Variants in IARS1 observed in about 807,000 individuals in gnomAD.
IARS1 encodes the protein isoleucyl-tRNA synthetase 1.
IARS1 carries 124 observed loss-of-function variants against 168.2 expected under a neutral mutation model. The observed-to-expected ratio is 0.74, with a 90% CI of 0.64 to 0.86. The LOEUF (loss-of-function observed/expected upper bound fraction) is 0.86, where lower values mean the gene tolerates loss of function less well. Ranked by LOEUF, IARS1 falls within the 40% of genes least tolerant of loss-of-function variation. The pLI, the probability that IARS1 is intolerant of heterozygous loss-of-function variation, is 0.00. For synonymous variants in IARS1, 532 were observed against 529.4 expected, an observed-to-expected ratio of 1.00 and a Z score of -0.07; for missense variants, 1,452 against 1,515.8, an observed-to-expected ratio of 0.96 and a Z score of 0.70.
chr9:92,252,764 CAAAAAAAAA>C (rs34983021), intron 21 of IARS1, among the ~76,000 whole-genome samples: 1,613 of 27,046 alleles, frequency 0.06, 3 homozygotes, highest in South Asian at 0.17. Context: ...AACTCCTTCT[CAAAAAAAAA>C]AAAAAAAAAA....
chr9:92,230,340 T>C (rs537870492), intron 30 of IARS1, among the ~76,000 whole-genome samples: 3 of 152,256 alleles, frequency 2.0e-5, no homozygotes, highest in East Asian at 3.9e-4. Context: ...CTCAAACTCC[T>C]GACCTCAGGT....
chr9:92,261,364 T>A (rs975110582), intron 17 of IARS1, among the ~76,000 whole-genome samples: 1 of 152,164 alleles, frequency 6.6e-6, no homozygotes. Context: ...TAATTCTATT[T>A]ATATAACATT....
In IARS1 at chr9:92,256,514, A is replaced by C. The variant is rs1001252804; in HGVS notation, c.2137+166T>G. 1.8e-5 allele frequency: 12 copies of C among 659,364 alleles called. No homozygotes were observed. The African/African-American group carries it at 2.0e-4, about 11-fold the overall frequency. The allele number at this position is 659,364 out of a possible 1,614,324, so 40.8% of individuals were successfully genotyped here. On this transcript the variant is annotated intron_variant, in intron 20 of 33. Coordinates refer to ENST00000443024, the MANE Select transcript of IARS1 (RefSeq NM_002161.6). The stretch of plus-strand genomic sequence containing the variant: ...CAGAAGTCCCCAGGGTCTTGAAACA[A>C]AGATATCACGACAATTAACAAGCCT...
Position 92,284,798 on chromosome 9 carries a change from A to G in IARS1, c.597+924T>C, listed in dbSNP as rs529356132. ...AAACAAACAAACAAAAACCAAATAT[A>G]GCAATATATTAAGATTTGACAAAGG... On this transcript the variant is annotated intron_variant, in intron 6 of 33. Coordinates refer to ENST00000443024, the MANE Select transcript of IARS1 (RefSeq NM_002161.6). Among the ~76,000 whole-genome samples, 5 of 152,254 alleles carry G rather than the reference A, an allele frequency of 3.3e-5. No individual in the cohort carries two copies. The South Asian group carries it at 8.3e-4, about 25-fold the overall frequency.
At chr9:92,250,971 T>C (rs1829934012) in intron 22 of IARS1, 137 bp from the exon 23 acceptor site, 4 of 913,924 alleles carry the variant, frequency 4.4e-6, no homozygotes, top group South Asian at 1.6e-5. Flanking sequence ...TTACAAAACA[T>C]GCCCTGTGAA....
chr9:92,277,158 TCATA>T (rs1162363907), intron 9 of IARS1, among the ~76,000 whole-genome samples: 2 of 152,166 alleles, frequency 1.3e-5, no homozygotes, highest in African/African-American at 4.8e-5. Context: ...AAATGATTCC[TCATA>T]CAATTTGAGA....
At chr9:92,243,465 A>G (rs562567176) in intron 27 of IARS1, 154 bp from the exon 28 acceptor site, 87 of 551,238 alleles carry the variant, frequency 1.6e-4, no homozygotes, top group South Asian at 1.5e-3. Context: ...CTAGTTTATC[A>G]TTCAGGTACT....
intron 33 of IARS1, among the ~76,000 whole-genome samples, chr9:92,220,517 T>C (rs1487921106): frequency 6.6e-6 from 1 of 152,196 alleles, no homozygotes; most frequent in African/African-American, 2.4e-5. Context: ...CTCGGGAGGC[T>C]GAGGCAGGAG....
chr9:92,252,797 A>AAAAAAAAAAT (rs377038369), intron 21 of IARS1, among the ~76,000 whole-genome samples: 1 of 139,460 alleles, frequency 7.2e-6, no homozygotes, highest in Non-Finnish European at 1.6e-5. Context: ...AAAAAAAAAA[A>AAAAAAAAAAT]GACATGACTA....
chr9:92,286,563 A>C lies in IARS1; in HGVS notation c.452T>G (p.Leu151Arg). ...WIDFDNDYKT[L>R]YPQFMESVWW... ...GACTGATTCCATGAATTGTGGATAC[A>C]GAGTTTTATAGTCATTGTCAAAGTC... is the stretch of plus-strand genomic sequence containing the variant. Residue 151 changes from leucine to arginine, a missense_variant, in exon 5 of 34, where the codon CTG becomes CGG. Transcript: ENST00000443024. 1 of 1,596,226 alleles carries C rather than the reference A, an allele frequency of 6.3e-7. No homozygotes were observed. The highest frequency in any genetic ancestry group is 8.6e-7 in the Non-Finnish European group (1 of 1,164,224).
chr9:92,285,934 C>A (rs1159185569), intron 5 of IARS1, 95 bp from the exon 6 acceptor site: 5 of 713,118 alleles, frequency 7.0e-6, no homozygotes, highest in Admixed American at 2.3e-5. Context: ...TTCTGTCTGC[C>A]AAATAAGTGA....
At chr9:92,276,853 T>C (rs1833849459) in intron 9 of IARS1, among the ~76,000 whole-genome samples, 1 of 152,226 alleles carries the variant, frequency 6.6e-6, no homozygotes, top group Non-Finnish European at 1.5e-5. Flanking sequence ...GGTTTGCAAC[T>C]GTAGCTGTGG....
chr9:92,245,324 C>A (rs1465557215), intron 26 of IARS1, among the ~76,000 whole-genome samples: 1 of 152,042 alleles, frequency 6.6e-6, no homozygotes, highest in Non-Finnish European at 1.5e-5. Context: ...CTCTCAGGTC[C>A]AAAGACATGA....
chr9:92,243,135 A>G, intron 28 of IARS1, 81 bp downstream of exon 28: 1 of 922,572 alleles, frequency 1.1e-6, no homozygotes, highest in Non-Finnish European at 1.8e-6. Context: ...GGTTTATATT[A>G]CCTGCCTCTC....
intron 33 of IARS1, 140 bp from the exon 34 acceptor site, chr9:92,211,029 T>G: frequency 3.2e-6 from 2 of 619,536 alleles, no homozygotes; most frequent in Non-Finnish European, 5.8e-6. Context: ...GCTCCTGAGG[T>G]GAACCTCTAA....
intron 2 of IARS1, among the ~76,000 whole-genome samples, chr9:92,288,855 T>C (rs757020751): frequency 4.6e-5 from 7 of 152,184 alleles, no homozygotes; most frequent in Non-Finnish European, 8.8e-5. Context: ...GTATATCTAC[T>C]ACTGAGTACC....
intron 22 of IARS1, 74 bp downstream of exon 22, chr9:92,251,734 A>C: frequency 1.1e-6 from 1 of 950,738 alleles, no homozygotes; most frequent in South Asian, 1.4e-5. Context: ...ATATAAATGG[A>C]GGATGCTGCA....
rs1362354401 is a variant in IARS1 at position 92,280,890 on chromosome 9, C to T, written c.601G>A (p.Val201Ile). The change falls in exon 7 of 34, where the codon GTT (valine) becomes ATT (isoleucine). Residue 201 changes from valine to isoleucine, a missense_variant. Physicochemically the swap from Val to Ile is conservative, Grantham distance 29. Transcript: ENST00000443024. ...GTTACAAATACTGAAGGATCTTGAA[C>T]ATCCTGAAATAAATTGAGGTAAAGT... ...NFESHQNYKD[V>I]QDPSVFVTFP... is the part of the protein sequence containing the mutation. 5 of 1,605,486 alleles carry T rather than the reference C, an allele frequency of 3.1e-6. No homozygotes were observed. In the South Asian group the frequency reaches 3.3e-5, roughly 11 times the overall value.
rs1832103128 is a variant in IARS1 at position 92,265,119 on chromosome 9, CA to C, written c.1509del (p.Asp504ThrfsTer3). On this transcript the variant is annotated frameshift_variant, in exon 16 of 34. Coordinates refer to ENST00000443024, the MANE Select transcript of IARS1 (RefSeq NM_002161.6). LOFTEE classifies it high-confidence loss of function. Reference sequence around the variant, plus strand: ...CAGCGTGAAGGAATGGTCAGGTGGTCAACACTAACAAACAGAAAAGTAGTCA... The same window carrying C: ...CAGCGTGAAGGAATGGTCAGGTGGTCACACTAACAAACAGAAAAGTAGTCA... Reference protein sequence around the residue: ...AKISDLHRESVDHLTIPSRCG... With the variant: ...AKISDLHRESXDHLTIPSRCG... The C allele has an allele frequency of 6.2e-7, 1 of 1,608,608 alleles. No individual in the cohort carries two copies. Among genetic ancestry groups the C allele is most frequent in the East Asian group, 2.2e-5 (1 of 44,802 alleles).
Sources: allele counts gnomAD v4.1 joint callset (sites outside exome capture counted in the v4.1 genomes callset), GRCh38; gene constraint gnomAD v4.1.1; transcripts MANE v1.5; gene names NCBI Gene and HGNC (gene_info 2026-07-23, HGNC 2026-07-21).